CFAP263: variants seen among roughly 807,000 people sequenced by gnomAD.
CFAP263 encodes the protein cilia- and flagella-associated protein 263.
At chr16:58,272,243 C>A in the CFAP263 span, among the ~76,000 whole-genome samples, 1 of 151,690 alleles carries the variant, frequency 6.6e-6, no homozygotes, top group Non-Finnish European at 1.5e-5. Flanking sequence ...GTCTCGATCT[C>A]CTGACCTCGT....
the CFAP263 span, among the ~76,000 whole-genome samples, chr16:58,268,029 GA>G: frequency 8.8e-6 from 1 of 113,922 alleles, no homozygotes; most frequent in Admixed American, 8.4e-5. Context: ...AGAGAGAGAA[GA>G]AAGAGAGAGA....
the CFAP263 span, chr16:58,250,341 A>G: frequency 1.7e-5 from 8 of 469,736 alleles, no homozygotes; most frequent in African/African-American, 1.6e-4. Flanking sequence ...AGAAGCCCAG[A>G]GGGTAATTGG....
At chr16:58,280,920 A>G in the CFAP263 span, 3 of 616,992 alleles carry the variant, frequency 4.9e-6, no homozygotes, top group East Asian at 5.5e-5. Flanking sequence ...AGCCACCACC[A>G]CAAATTCCAA....
the CFAP263 span, chr16:58,281,009 A>C: frequency 4.3e-6 from 2 of 465,164 alleles, no homozygotes; most frequent in South Asian, 3.8e-5. Flanking sequence ...TTCATATTTC[A>C]TTTTCTTGCC....
At chr16:58,278,347 C>G in the CFAP263 span, 1 of 809,694 alleles carries the variant, frequency 1.2e-6, no homozygotes, top group Admixed American at 2.9e-5. Flanking sequence ...TCCCACCCCT[C>G]CCCAACCTCT....
the CFAP263 span, among the ~76,000 whole-genome samples, chr16:58,269,411 A>G: frequency 2.0e-5 from 3 of 151,698 alleles, no homozygotes; most frequent in Middle Eastern, 3.4e-3. Context: ...GAAAGGAAAG[A>G]AAGGAAGGGA....
chr16:58,250,224 A>C, the CFAP263 span: 1 of 608,730 alleles, frequency 1.6e-6, no homozygotes, highest in South Asian at 2.0e-5. Context: ...CTCACTGAGC[A>C]CTGGGGAGAC....
At chr16:58,267,003 A>G in the CFAP263 span, among the ~76,000 whole-genome samples, 1 of 152,250 alleles carries the variant, frequency 6.6e-6, no homozygotes, top group East Asian at 1.9e-4. Context: ...TCTCTCACCT[A>G]TAAATGGAGA....
At chr16:58,278,611 T>C in the CFAP263 span, 2 of 1,614,052 alleles carry the variant, frequency 1.2e-6, no homozygotes, top group Non-Finnish European at 1.7e-6. Flanking sequence ...CATCAGGATG[T>C]GGGAAAGGAA....
the CFAP263 span, chr16:58,281,038 C>T: frequency 2.5e-6 from 1 of 396,922 alleles, no homozygotes; most frequent in African/African-American, 2.0e-5. Context: ...GTCCTTTGGC[C>T]AAACCTTCCC....
At chr16:58,275,380 CT>C in the CFAP263 span, among the ~76,000 whole-genome samples, 1 of 152,094 alleles carries the variant, frequency 6.6e-6, no homozygotes, top group African/African-American at 2.4e-5. Context: ...TGTTAATTCT[CT>C]TTAAGTTGAT....
At chr16:58,256,514 G>A in the CFAP263 span, among the ~76,000 whole-genome samples, 893 of 152,274 alleles carry the variant, frequency 5.9e-3, 4 homozygotes, top group South Asian at 8.5e-3. Flanking sequence ...TGAGGAGGCC[G>A]GTGTGATTAG....
At chr16:58,281,120 C>T in the CFAP263 span, 1 of 225,416 alleles carries the variant, frequency 4.4e-6, no homozygotes, top group Non-Finnish European at 8.9e-6. Flanking sequence ...CACATTTTCC[C>T]TTCTCTGCCT....
chr16:58,257,014 C>CTTTTTTT, the CFAP263 span, among the ~76,000 whole-genome samples: 68 of 41,914 alleles, frequency 1.6e-3, 28 homozygotes, highest in South Asian at 7.0e-3. Flanking sequence ...ATATGAATTT[C>CTTTTTTT]TTTTTTTTTT....
the CFAP263 span, among the ~76,000 whole-genome samples, chr16:58,265,318 C>T: frequency 5.8e-3 from 890 of 152,282 alleles, 4 homozygotes; most frequent in South Asian, 0.01. Flanking sequence ...TCTAATCACA[C>T]GAGTCCTTTG....
the CFAP263 span, among the ~76,000 whole-genome samples, chr16:58,276,662 T>A: frequency 6.6e-6 from 1 of 152,278 alleles, no homozygotes; most frequent in South Asian, 2.1e-4. Flanking sequence ...CAGTTTATCC[T>A]ACTGATTCAC....
the CFAP263 span, among the ~76,000 whole-genome samples, chr16:58,274,790 C>T: frequency 2.5e-3 from 382 of 152,260 alleles, no homozygotes; most frequent in African/African-American, 8.6e-3. Context: ...ACAGACAAAA[C>T]ACAGCCTCTC....
At chr16:58,279,450 C>G in the CFAP263 span, among the ~76,000 whole-genome samples, 7 of 152,160 alleles carry the variant, frequency 4.6e-5, no homozygotes, top group Non-Finnish European at 1.0e-4. Context: ...CATGCAACTT[C>G]TCACTTTACT....
chr16:58,249,985 G>A, the CFAP263 span: 1 of 1,461,048 alleles, frequency 6.8e-7, no homozygotes. Context: ...CTGGGCACAC[G>A]GCATTGGCAG....
Sources: allele counts gnomAD v4.1 joint callset (sites outside exome capture counted in the v4.1 genomes callset), GRCh38; gene constraint gnomAD v4.1.1; transcripts MANE v1.5; gene names NCBI Gene and HGNC (gene_info 2026-07-23, HGNC 2026-07-21).